The following KIRREL3 variants were observed in gnomAD, a reference collection of about 807,000 sequenced individuals.
The protein encoded by KIRREL3 is kin of IRRE-like protein 3.
KIRREL3 carries 36 observed loss-of-function variants against 89.7 expected under a neutral mutation model. The ratio of observed to expected loss-of-function variants is 0.40; its 90% CI spans 0.31 to 0.53. The LOEUF is 0.53. Among genes scored for constraint, KIRREL3 ranks in the 20% least tolerant of loss-of-function variants. The pLI is 0.49. For synonymous variants in KIRREL3, 445 were observed against 441.4 expected (o/e 1.01, Z -0.10); for missense variants, 864 against 1,056.6 (o/e 0.82, Z 2.53).
Position 126,676,780 on chromosome 11 carries a change from G to A in KIRREL3, c.56-113868C>T, listed in dbSNP as rs910050065. 3.3e-5 allele frequency among the ~76,000 whole-genome samples: 5 copies of A among 151,550 alleles called. No homozygotes were observed. The highest frequency in any genetic ancestry group is 6.6e-5 in the Admixed American group (1 of 15,218). On this transcript the variant is annotated intron_variant, in intron 1 of 16. Coordinates refer to ENST00000525144, the MANE Select transcript of KIRREL3 (RefSeq NM_032531.4). This position sits in a 1 kb window ranked among gnomAD's most constrained non-coding sequence, Gnocchi z 4.5. Reference sequence around the variant, plus strand: ...CTGCAACTTTTTATTTTTCTTTAGAGCTGATTTTTTTTTTTTCCTTTTGAG... The same window carrying A: ...CTGCAACTTTTTATTTTTCTTTAGAACTGATTTTTTTTTTTTCCTTTTGAG...
intron 1 of KIRREL3, among the ~76,000 whole-genome samples, chr11:126,702,985 T>C (rs1170501166): frequency 2.6e-5 from 4 of 152,232 alleles, no homozygotes; most frequent in Non-Finnish European, 4.4e-5. Flanking sequence ...AGGGCAATTG[T>C]TGCTTTTTCC....
intron 1 of KIRREL3, among the ~76,000 whole-genome samples, chr11:126,921,318 G>A (rs1045377801): frequency 1.3e-5 from 2 of 152,160 alleles, no homozygotes; most frequent in African/African-American, 4.8e-5. Context: ...CTTGCAGAAG[G>A]TTTATCATGG....
chr11:126,635,087 C>T lies in KIRREL3; in HGVS notation c.56-72175G>A, dbSNP rs772878022. Among the ~76,000 whole-genome samples the T allele has an allele frequency of 2.6e-5, 4 of 152,220 alleles. No homozygotes were observed. Among genetic ancestry groups the T allele is most frequent in the African/African-American group, 4.8e-5 (2 of 41,458 alleles). The stretch of plus-strand genomic sequence containing the variant: ...AGTCTGAGAATGAGCACAAAGAACA[C>T]TTTTTCTTTTAAGGATTGACCTTTT... On this transcript the variant is annotated intron_variant, in intron 1 of 16. Coordinates refer to ENST00000525144, the MANE Select transcript of KIRREL3 (RefSeq NM_032531.4). The surrounding 1 kb of genome is among the most constrained non-coding windows in gnomAD (Gnocchi z 4.0).
chr11:126,794,691 C>T (rs972379155), intron 1 of KIRREL3, among the ~76,000 whole-genome samples: 1 of 152,198 alleles, frequency 6.6e-6, no homozygotes, highest in African/African-American at 2.4e-5. Context: ...ACTTTGGTAC[C>T]TTCTTACAAA....
At position 126,526,399 on chromosome 11, in the gene KIRREL3, C is replaced by A; in HGVS notation, c.283+139G>T. On this transcript the variant is annotated intron_variant, in intron 3 of 16. Coordinates refer to ENST00000525144, the MANE Select transcript of KIRREL3 (RefSeq NM_032531.4). The surrounding 1 kb of genome is among the most constrained non-coding windows in gnomAD (Gnocchi z 5.7). ...TGGGTGCAGTGCTTGCCTAGCCTGA[C>A]TCTGCCTGAGGAGTTGCAGTGAAAG... 1 of 837,588 alleles carries A rather than the reference C, an allele frequency of 1.2e-6. No homozygotes were observed. The allele number at this position is 837,588 out of a possible 1,614,324, so 51.9% of individuals were successfully genotyped here.
intron 1 of KIRREL3, among the ~76,000 whole-genome samples, chr11:126,665,496 G>A (rs11220576): frequency 0.3 from 45,944 of 152,020 alleles, 7,181 homozygotes; most frequent in East Asian, 0.39. Context: ...TTTGGGAGGT[G>A]ATTAGGGCAT....
rs562915749 is a variant in KIRREL3 at position 126,453,656 on chromosome 11, G to A, written c.848+2693C>T. Among the ~76,000 whole-genome samples, 24 of 152,106 alleles carry A rather than the reference G, an allele frequency of 1.6e-4. 1 individual carries two copies. Among genetic ancestry groups the A allele is most frequent in the Non-Finnish European group, 2.6e-4 (18 of 67,950 alleles). ...TGAGCGAGTGTGGGTGGGTGCAGGC[G>A]CCCACCACCTCCCCTCTCCGTGGCC... On this transcript the variant is annotated intron_variant, in intron 7 of 16. Transcript: ENST00000525144.
chr11:126,718,810 A>T (rs1592013936), intron 1 of KIRREL3, among the ~76,000 whole-genome samples: 1 of 151,934 alleles, frequency 6.6e-6, no homozygotes, highest in African/African-American at 2.4e-5. Flanking sequence ...GGGTCACACC[A>T]CCCCGGCCAG....
At chr11:126,840,906 T>C (rs912872196) in intron 1 of KIRREL3, among the ~76,000 whole-genome samples, 12 of 152,240 alleles carry the variant, frequency 7.9e-5, no homozygotes, top group African/African-American at 2.9e-4. Flanking sequence ...AAGTGCTTTC[T>C]ATAAGTGAAA....
intron 1 of KIRREL3, among the ~76,000 whole-genome samples, chr11:126,756,348 T>C (rs34310325): frequency 2.0e-5 from 3 of 152,240 alleles, no homozygotes; most frequent in Non-Finnish European, 4.4e-5. Context: ...AGAATAATAA[T>C]GAATGTCTTC....
In KIRREL3 at chr11:126,981,675, G is replaced by A. The variant is rs991062495; in HGVS notation, c.55+18780C>T. Among the ~76,000 whole-genome samples the A allele has an allele frequency of 6.6e-6, 1 of 152,180 alleles. No homozygotes were observed. Among genetic ancestry groups the A allele is most frequent in the Non-Finnish European group, 1.5e-5 (1 of 68,040 alleles). The stretch of plus-strand genomic sequence containing the variant: ...GGAGGTCTCAGCCACACATGCTCAG[G>A]GGGCTTTTATCAATGCACCCCCATC... On this transcript the variant is annotated intron_variant, in intron 1 of 16. Transcript: ENST00000525144. This position sits in a 1 kb window ranked among gnomAD's most constrained non-coding sequence, Gnocchi z 4.2.
rs573824074 is a variant in KIRREL3, at chr11:126,557,639, A to AT, written c.133+5195dup. Reference sequence around the variant, plus strand: ...AGGAAACAGTAGAAGCTTTAGACTCATTTTTTTATTAGTGTACGAGGGTGC... The same window carrying AT: ...AGGAAACAGTAGAAGCTTTAGACTCATTTTTTTTATTAGTGTACGAGGGTGC... On this transcript the variant is annotated intron_variant, in intron 2 of 16. Coordinates refer to ENST00000525144, the MANE Select transcript of KIRREL3 (RefSeq NM_032531.4). This position sits in a 1 kb window ranked among gnomAD's most constrained non-coding sequence, Gnocchi z 5.6. Among the ~76,000 whole-genome samples, 3 of 152,122 alleles carry AT rather than the reference A, an allele frequency of 2.0e-5. No individual in the cohort carries two copies. The highest frequency in any genetic ancestry group is 3.9e-4 in the East Asian group (2 of 5,194).
chr11:126,509,708 A>C (rs921377232), intron 4 of KIRREL3, among the ~76,000 whole-genome samples: 10 of 152,190 alleles, frequency 6.6e-5, no homozygotes, highest in African/African-American at 2.4e-4. Context: ...CTCAGCACTC[A>C]AATTGGGCCC....
In KIRREL3 at chr11:126,571,766, C is replaced by A. The variant is rs141842936; in HGVS notation, c.56-8854G>T. Among the ~76,000 whole-genome samples the A allele has an allele frequency of 6.6e-6, 1 of 151,508 alleles. No homozygotes were observed. The highest frequency in any genetic ancestry group is 1.5e-5 in the Non-Finnish European group (1 of 67,926). On this transcript the variant is annotated intron_variant, in intron 1 of 16. Coordinates refer to ENST00000525144, the MANE Select transcript of KIRREL3 (RefSeq NM_032531.4). The surrounding 1 kb of genome is among the most constrained non-coding windows in gnomAD (Gnocchi z 7.7). ...TAATCCGTTTGTGAGAGGGGTGGGG[C>A]GGGGGGATGTTAAATAATGTTGGTT...
At chr11:126,577,282 C>A (rs544428267) in intron 1 of KIRREL3, among the ~76,000 whole-genome samples, 1 of 152,110 alleles carries the variant, frequency 6.6e-6, no homozygotes, top group South Asian at 2.1e-4. Flanking sequence ...TCACCTGAAA[C>A]AAATTCAGTA....
intron 1 of KIRREL3, among the ~76,000 whole-genome samples, chr11:126,695,948 T>C (rs930313645): frequency 6.6e-6 from 1 of 152,206 alleles, no homozygotes; most frequent in African/African-American, 2.4e-5. Context: ...CCTCCTCATA[T>C]GCTTTGCTAA....
Position 126,730,169 on chromosome 11 carries a change from C to T in KIRREL3, c.56-167257G>A, listed in dbSNP as rs1016136072. 2.2e-4 allele frequency among the ~76,000 whole-genome samples: 33 copies of T among 152,212 alleles called. 1 individual carries two copies. The highest frequency in any genetic ancestry group is 1.8e-3 in the Admixed American group (27 of 15,288). ...TCATCACTCCCAGAGACATTTACAT[C>T]ACGTCTCCACTTAGCCCTTGGCCCT... On this transcript the variant is annotated intron_variant, in intron 1 of 16. Transcript: ENST00000525144.
Position 126,965,302 on chromosome 11 carries a change from T to C in KIRREL3, c.55+35153A>G, listed in dbSNP as rs1483586067. ...ACTTAGGCTGTTCAATTGTATTGCT[T>C]ATTTACAGAGATGCTTTTCGGCATT... is the stretch of plus-strand genomic sequence containing the variant. On this transcript the variant is annotated intron_variant, in intron 1 of 16. Coordinates refer to ENST00000525144, the MANE Select transcript of KIRREL3 (RefSeq NM_032531.4). This position sits in a 1 kb window ranked among gnomAD's most constrained non-coding sequence, Gnocchi z 4.4. Among the ~76,000 whole-genome samples, 2 of 152,242 alleles carry C rather than the reference T, an allele frequency of 1.3e-5. No homozygotes were observed. The highest frequency in any genetic ancestry group is 1.5e-5 in the Non-Finnish European group (1 of 68,046).
chr11:126,730,276 A>G (rs1389049228), intron 1 of KIRREL3, among the ~76,000 whole-genome samples: 1 of 152,150 alleles, frequency 6.6e-6, no homozygotes, highest in African/African-American at 2.4e-5. Flanking sequence ...GACACGTCCA[A>G]ATGAGTTACT....
Sources: gnomAD v4.1 joint callset for allele counts (sites outside exome capture counted in the v4.1 genomes callset) on GRCh38, gnomAD v4.1.1 for gene constraint, Gnocchi (gnomAD v3.1) non-coding constraint, MANE v1.5 for transcripts, NCBI Gene and HGNC (gene_info 2026-07-23, HGNC 2026-07-21) for gene names.